TRHDE: variants seen among roughly 807,000 people sequenced by gnomAD.
The protein encoded by TRHDE is thyrotropin-releasing hormone-degrading ectoenzyme.
Under a neutral mutation model 125.7 loss-of-function variants are expected in TRHDE, and 72 were observed. The ratio of observed to expected loss-of-function variants is 0.57; its 90% CI spans 0.47 to 0.70. TRHDE has a LOEUF of 0.70. Among genes scored for constraint, TRHDE ranks in the 30% least tolerant of loss-of-function variants. The pLI, the probability that TRHDE is intolerant of heterozygous loss-of-function variation, is 0.00. For synonymous variants in TRHDE, 509 were observed against 509.1 expected, an observed-to-expected ratio of 1.00 and a Z score of 0.00; for missense variants, 1,110 against 1,327.1, an observed-to-expected ratio of 0.84 and a Z score of 2.54.
chr12:72,238,332 ATACACAT>A (rs1402531171), intron 2 of TRHDE, among the ~76,000 whole-genome samples: 3,368 of 39,844 alleles, frequency 0.085, 645 homozygotes, highest in African/African-American at 0.11. Context: ...ACATATATAT[ATACACAT>A]TATATATATA....
chr12:72,111,163 C>T (rs1453655134), intron 2 of TRHDE, among the ~76,000 whole-genome samples: 3 of 152,110 alleles, frequency 2.0e-5, no homozygotes, highest in African/African-American at 7.2e-5. Context: ...GGCTGTTGAA[C>T]GTTAACTCAT....
At chr12:72,171,204 A>AGG (rs1307406306) in intron 2 of TRHDE, among the ~76,000 whole-genome samples, 4 of 152,060 alleles carry the variant, frequency 2.6e-5, no homozygotes, top group African/African-American at 4.8e-5. Flanking sequence ...AAAATTAGGG[A>AGG]TTTAGGGAAG....
chr12:72,478,922 CAA>C (rs67346703), intron 5 of TRHDE, among the ~76,000 whole-genome samples: 2 of 106,180 alleles, frequency 1.9e-5, no homozygotes, highest in Non-Finnish European at 3.8e-5. Flanking sequence ...TTTTTTTTAG[CAA>C]AAAAAAAAAA....
At chr12:72,504,424 C>G (rs930531626) in intron 6 of TRHDE, among the ~76,000 whole-genome samples, 7 of 151,956 alleles carry the variant, frequency 4.6e-5, no homozygotes, top group Non-Finnish European at 8.8e-5. Context: ...CTGCCTCAGC[C>G]TCCTGAGCAG....
intron 3 of TRHDE, among the ~76,000 whole-genome samples, chr12:72,425,036 C>T (rs1874125792): frequency 6.6e-6 from 1 of 152,024 alleles, no homozygotes; most frequent in African/African-American, 2.4e-5. Flanking sequence ...AACTTTACTC[C>T]TATAAGAAAA....
intron 6 of TRHDE, among the ~76,000 whole-genome samples, chr12:72,536,630 G>A (rs931648166): frequency 6.6e-6 from 1 of 151,988 alleles, no homozygotes; most frequent in Admixed American, 6.6e-5. Context: ...ATGCAGAGGG[G>A]CAGCAGTGGG....
chr12:72,410,094 A>G (rs938387264), intron 3 of TRHDE, among the ~76,000 whole-genome samples: 2 of 152,076 alleles, frequency 1.3e-5, no homozygotes, highest in Non-Finnish European at 2.9e-5. Flanking sequence ...GATCACAGAT[A>G]CCATACATAT....
At chr12:72,444,183 AT>A (rs1344088633) in intron 3 of TRHDE, among the ~76,000 whole-genome samples, 3 of 151,818 alleles carry the variant, frequency 2.0e-5, no homozygotes, top group African/African-American at 4.8e-5. Context: ...TGATGTTCTG[AT>A]TTCAATATTT....
intron 2 of TRHDE, among the ~76,000 whole-genome samples, chr12:72,306,176 AT>A (rs1333541919): frequency 6.6e-6 from 1 of 152,186 alleles, no homozygotes; most frequent in African/African-American, 2.4e-5. Context: ...TTAATCTAGT[AT>A]TTTGCAAGAG....
At chr12:72,121,009 C>A (rs1240693639) in intron 2 of TRHDE, among the ~76,000 whole-genome samples, 2 of 151,930 alleles carry the variant, frequency 1.3e-5, no homozygotes, top group East Asian at 3.9e-4. Context: ...CTATTTATAT[C>A]TTATTGTATT....
chr12:72,464,692 G>C (rs1397191574), intron 3 of TRHDE, among the ~76,000 whole-genome samples: 1 of 152,142 alleles, frequency 6.6e-6, no homozygotes, highest in Non-Finnish European at 1.5e-5. Flanking sequence ...TGGATATTCT[G>C]TTATTATAGA....
chr12:72,550,946 CTA>C lies in TRHDE; in HGVS notation c.1788+8592_1788+8593del, dbSNP rs574122420. On this transcript the variant is annotated intron_variant, in intron 7 of 18. Coordinates refer to ENST00000261180, the MANE Select transcript of TRHDE (RefSeq NM_013381.3). The stretch of plus-strand genomic sequence containing the variant: ...TGTATACATTATATCATAAATGAGA[CTA>C]TGAAATATTTTAATACATTCTCTGC... Among the ~76,000 whole-genome samples, 435 of 151,900 alleles carry C rather than the reference CTA, an allele frequency of 2.9e-3. 1 individual carries two copies. Among genetic ancestry groups the C allele is most frequent in the Non-Finnish European group, 4.4e-3 (296 of 67,884 alleles).
intron 15 of TRHDE, among the ~76,000 whole-genome samples, chr12:72,622,787 A>G (rs1873107163): frequency 1.3e-5 from 2 of 152,076 alleles, no homozygotes; most frequent in African/African-American, 4.8e-5. Context: ...TCTGTTCGAA[A>G]GGTCTCTGTA....
chr12:72,248,233 C>T (rs1878612171), intron 2 of TRHDE, among the ~76,000 whole-genome samples: 1 of 152,212 alleles, frequency 6.6e-6, no homozygotes, highest in South Asian at 2.1e-4. Flanking sequence ...TCCTGGCCAA[C>T]ATGGTGAAAC....
intron 6 of TRHDE, among the ~76,000 whole-genome samples, chr12:72,532,568 TC>T (rs1446321087): frequency 6.6e-6 from 1 of 151,196 alleles, no homozygotes; most frequent in Non-Finnish European, 1.5e-5. Flanking sequence ...CCCCTTCTTT[TC>T]CTAGTTTATT....
chr12:72,553,131 A>C (rs1205807046), intron 7 of TRHDE, among the ~76,000 whole-genome samples: 1 of 152,176 alleles, frequency 6.6e-6, no homozygotes, highest in East Asian at 1.9e-4. Context: ...GAGAATTCAA[A>C]GAGTAGAAAG....
At chr12:72,652,510 A>T in intron 16 of TRHDE, 21 bp downstream of exon 16, 3 of 1,556,300 alleles carry the variant, frequency 1.9e-6, no homozygotes, top group Non-Finnish European at 2.6e-6. Context: ...TGATTTTCTA[A>T]ATGTGTTTCT....
At chr12:72,111,855 A>G (rs1173040681) in intron 2 of TRHDE, among the ~76,000 whole-genome samples, 1 of 152,100 alleles carries the variant, frequency 6.6e-6, no homozygotes, top group Non-Finnish European at 1.5e-5. Context: ...TTCTCTCTCT[A>G]CATGTGTGAA....
At chr12:72,157,470 T>C (rs1401424777) in intron 2 of TRHDE, among the ~76,000 whole-genome samples, 1 of 152,192 alleles carries the variant, frequency 6.6e-6, no homozygotes, top group African/African-American at 2.4e-5. Flanking sequence ...TGATGGTGGC[T>C]TTGATCTGGT....
Sources: allele counts gnomAD v4.1 joint callset (sites outside exome capture counted in the v4.1 genomes callset), GRCh38; gene constraint gnomAD v4.1.1; transcripts MANE v1.5; gene names NCBI Gene and HGNC (gene_info 2026-07-23, HGNC 2026-07-21).